The following DBN1 variants were observed in gnomAD, a reference collection of about 807,000 sequenced individuals.
DBN1 encodes drebrin.
A neutral mutation model predicts 83.5 loss-of-function variants in DBN1; 21 were observed. The observed-to-expected ratio is 0.25, with a 90% CI of 0.18 to 0.36. DBN1 has a LOEUF of 0.36. Among genes scored for constraint, DBN1 ranks in the 10% least tolerant of loss-of-function variants. DBN1 has a pLI of 1.00. For missense variants in DBN1, 874 were observed against 935.7 expected (o/e 0.93, Z 0.86); for synonymous variants, 381 against 384.9 (o/e 0.99, Z 0.12).
chr5:177,463,181 C>T (rs1398164049), intron 8 of DBN1, among the ~76,000 whole-genome samples: 1 of 152,154 alleles, frequency 6.6e-6, no homozygotes, highest in Non-Finnish European at 1.5e-5. Flanking sequence ...GGACTACAGG[C>T]GCCCGCCACC....
At chr5:177,472,442 G>A (rs1306391084) in intron 1 of DBN1, 19 of 1,352,440 alleles carry the variant, frequency 1.4e-5, no homozygotes, top group African/African-American at 3.1e-5. Context: ...TCCAGGATGG[G>A]GCTGTGAGGA....
intron 8 of DBN1, among the ~76,000 whole-genome samples, chr5:177,461,577 CATCCCCAT>C (rs1757046629): frequency 6.6e-6 from 1 of 152,184 alleles, no homozygotes; most frequent in South Asian, 2.1e-4. Context: ...CTCACTTGCT[CATCCCCAT>C]ATCTAAGCAG....
chr5:177,459,809 G>A (rs1756880086), intron 10 of DBN1, 69 bp from the exon 11 acceptor site: 6 of 1,391,638 alleles, frequency 4.3e-6, no homozygotes, highest in Middle Eastern at 4.1e-4. Context: ...ACCCCTGCCC[G>A]AGGCCTCTCC....
At chr5:177,457,621 C>T in intron 14 of DBN1, 34 bp downstream of exon 14, 1 of 1,539,396 alleles carries the variant, frequency 6.5e-7, no homozygotes, top group South Asian at 1.1e-5. Context: ...GCCCCCGCAC[C>T]CAAATTCCTC....
intron 3 of DBN1, 79 bp downstream of exon 3, chr5:177,468,023 AGCCCCC>A: frequency 4.3e-6 from 3 of 701,370 alleles, no homozygotes; most frequent in Non-Finnish European, 7.6e-6. Flanking sequence ...CTGGGCCCTC[AGCCCCC>A]TTCCCCAGCC....
chr5:177,458,843 A>G (rs1468175560), intron 12 of DBN1, 136 bp from the exon 13 acceptor site: 5 of 1,102,330 alleles, frequency 4.5e-6, no homozygotes, highest in Non-Finnish European at 6.2e-6. Flanking sequence ...CAGTGACCCC[A>G]GTGACTTTAA....
At chr5:177,470,063 C>A (rs1044238187) in intron 1 of DBN1, among the ~76,000 whole-genome samples, 1 of 152,220 alleles carries the variant, frequency 6.6e-6, no homozygotes, top group Non-Finnish European at 1.5e-5. Flanking sequence ...ATGGAGGGGA[C>A]GTCTCAGGAG....
chr5:177,467,640 G>C lies in DBN1; in HGVS notation c.331-13C>G, dbSNP rs1757542720. 6.4e-7 allele frequency: 1 copy of C among 1,569,480 alleles called. No individual in the cohort carries two copies. Among genetic ancestry groups the C allele is most frequent in the East Asian group, 2.4e-5 (1 of 42,452 alleles). On this transcript the variant is annotated splice_polypyrimidine_tract_variant and intron_variant, in intron 4 of 14. Transcript: ENST00000393565. The surrounding 1 kb of genome is among the most constrained non-coding windows in gnomAD (Gnocchi z 9.1). The stretch of plus-strand genomic sequence containing the variant: ...TCACGTCGACACCCTTCCGCAAGAA[G>C]ACGGCAGTGCTCAGGCGGCACCATC...
intron 8 of DBN1, among the ~76,000 whole-genome samples, chr5:177,461,985 T>G (rs1231049500): frequency 6.6e-6 from 1 of 152,208 alleles, no homozygotes; most frequent in Non-Finnish European, 1.5e-5. Context: ...GACAGAGCCC[T>G]GGCGACATCA....
At chr5:177,468,733 T>C (rs1757640065) in intron 2 of DBN1, 111 bp downstream of exon 2, 1 of 625,066 alleles carries the variant, frequency 1.6e-6, no homozygotes, top group African/African-American at 1.9e-5. Flanking sequence ...CAGACAAGTG[T>C]GGGGCTGCAG....
Position 177,467,784 on chromosome 5 carries a change from C to A in DBN1, c.289G>T (p.Ala97Ser). 4 of 1,556,984 alleles carry A rather than the reference C, an allele frequency of 2.6e-6. No homozygotes were observed. The highest frequency in any genetic ancestry group is 3.5e-6 in the Non-Finnish European group (4 of 1,150,370). Residue 97 changes from alanine to serine, a missense_variant, in exon 4 of 15, where the codon GCT becomes TCT. This residue lies in a region of DBN1 where 65 missense variants were observed against 97.3 expected (regional missense o/e 0.67). Coordinates refer to ENST00000393565, the MANE Select transcript of DBN1 (RefSeq NM_001363541.2). This position sits in a 1 kb window ranked among gnomAD's most constrained non-coding sequence, Gnocchi z 9.1. ...GEDVPDARKC[A>S]CASHVAKVAE... is the part of the protein sequence containing the mutation. ...ACCTTAGCCACGTGGCTGGCACAAG[C>A]GCACTTGCGGGCATCAGGCACATCT... is the stretch of plus-strand genomic sequence containing the variant.
At chr5:177,464,393 C>CTGAG (rs1242826026) in intron 8 of DBN1, among the ~76,000 whole-genome samples, 1 of 151,536 alleles carries the variant, frequency 6.6e-6, no homozygotes, top group Non-Finnish European at 1.5e-5. Flanking sequence ...TTGCAGTGAG[C>CTGAG]TGAGATTGTG....
intron 8 of DBN1, among the ~76,000 whole-genome samples, chr5:177,465,386 A>G (rs1413435308): frequency 6.6e-6 from 1 of 152,232 alleles, no homozygotes; most frequent in Non-Finnish European, 1.5e-5. Flanking sequence ...AGTCAACTTC[A>G]TAGAGACAGA....
chr5:177,459,840 G>C (rs1296259984), intron 10 of DBN1, 100 bp from the exon 11 acceptor site: 1 of 1,315,616 alleles, frequency 7.6e-7, no homozygotes, highest in Non-Finnish European at 1.0e-6. Context: ...GCCTGGCCCT[G>C]GATGTCCAAG....
chr5:177,461,378 G>GT (rs1288779003), intron 8 of DBN1, among the ~76,000 whole-genome samples: 1 of 151,580 alleles, frequency 6.6e-6, no homozygotes, highest in African/African-American at 2.4e-5. Context: ...GATTACAGGC[G>GT]TGAGCCACCG....
In DBN1 at chr5:177,468,881, T is replaced by C. The variant is rs987242876; in HGVS notation, c.105A>G (p.Glu35=). The C allele has an allele frequency of 7.6e-7, 1 of 1,320,518 alleles. No individual in the cohort carries two copies. Among genetic ancestry groups the C allele is most frequent in the Admixed American group, 2.9e-5 (1 of 33,908 alleles). 81.8% of individuals were successfully genotyped at this position (1,320,518 alleles called of 1,614,324 possible). A position where few individuals can be genotyped will look rare whatever the true frequency, so the allele number is the denominator to read the frequency against. The part of the protein sequence containing the change: ...SAADWALYTY[E]DGSDDLKLAA... ...CAAGCTTGAGGTCATCGGAGCCATCTTCATATGTGTACAGAGCCCTGGGGA... is the reference window on the plus strand; with the variant it reads ...CAAGCTTGAGGTCATCGGAGCCATCCTCATATGTGTACAGAGCCCTGGGGA... The change falls in exon 2 of 15, where the codon GAA becomes GAG. Residue 35 remains glutamate (E), a synonymous_variant. Transcript: ENST00000393565.
intron 1 of DBN1, among the ~76,000 whole-genome samples, chr5:177,469,294 C>G (rs775278215): frequency 2.0e-5 from 3 of 151,974 alleles, no homozygotes; most frequent in Non-Finnish European, 4.4e-5. Context: ...TTACCTGGCA[C>G]GTGCCTTGGT....
rs761197837 is a variant in DBN1 at position 177,458,297 on chromosome 5, C to A, written c.1675G>T (p.Asp559Tyr). Reference sequence around the variant, plus strand: ...AGCAGTGGCTCCGGAGCCACCTCATCCAGCAGGGGCACCTCTGCCAGGGTG... The same window carrying A: ...AGCAGTGGCTCCGGAGCCACCTCATACAGCAGGGGCACCTCTGCCAGGGTG... ...EVTLAEVPLLDEVAPEPLLPA... is the reference protein window; with the variant it reads ...EVTLAEVPLLYEVAPEPLLPA... Residue 559 changes from aspartate (D) to tyrosine (Y), a missense_variant, in exon 13 of 15, where the codon GAT becomes TAT. Asp to Tyr is a radical substitution (Grantham distance 160, BLOSUM62 -3). Transcript: ENST00000393565. 2 of 1,613,480 alleles carry A rather than the reference C, an allele frequency of 1.2e-6. No homozygotes were observed. Among genetic ancestry groups the A allele is most frequent in the Admixed American group, 3.3e-5 (2 of 60,020 alleles).
chr5:177,457,236 T>C lies in DBN1; in HGVS notation c.*197A>G. On this transcript the variant is annotated 3_prime_UTR_variant, in exon 15 of 15. Transcript: ENST00000393565. ...GCCAGTCAACTGTACAAGTCTCCTA[T>C]CAACTTTTTAAAAAAAGAGAAAAGC... is the stretch of plus-strand genomic sequence containing the variant. 3.3e-6 allele frequency: 2 copies of C among 599,526 alleles called. No homozygotes were observed. The highest frequency in any genetic ancestry group is 3.0e-6 in the Non-Finnish European group (1 of 336,046). The allele number at this position is 599,526 out of a possible 1,614,324, so 37.1% of individuals were successfully genotyped here.
Sources: allele counts gnomAD v4.1 joint callset (sites outside exome capture counted in the v4.1 genomes callset), GRCh38; gene constraint gnomAD v4.1.1; regional missense constraint gnomAD v4.1.1; non-coding constraint Gnocchi (gnomAD v3.1); transcripts MANE v1.5; gene names NCBI Gene and HGNC (gene_info 2026-07-23, HGNC 2026-07-21).